LARGE1: variants seen among roughly 807,000 people sequenced by gnomAD.
LARGE1 encodes LARGE xylosyl- and glucuronyltransferase 1.
In LARGE1, 43 loss-of-function variants were observed where a neutral mutation model predicts 87.6. The ratio of observed to expected loss-of-function variants is 0.49; its 90% CI spans 0.38 to 0.63. The LOEUF is 0.63. Among genes scored for constraint, LARGE1 ranks in the 30% least tolerant of loss-of-function variants. LARGE1 has a pLI of 0.00. For synonymous variants in LARGE1, 434 were observed against 394.6 expected (o/e 1.10, Z -1.18); for missense variants, 802 against 1,000.2 (o/e 0.80, Z 2.67).
At position 33,584,751 on chromosome 22, in the gene LARGE1, G is replaced by A. The variant is rs111364551; in HGVS notation, c.615+19684C>T. On this transcript the variant is annotated intron_variant, in intron 5 of 14. Coordinates refer to ENST00000397394, the MANE Select transcript of LARGE1 (RefSeq NM_133642.5). The stretch of plus-strand genomic sequence containing the variant: ...AGGAAGCAGGACTTTCCCCACATAC[G>A]TACTGGGTGTCTCGGAAAATCCTAA... Among the ~76,000 whole-genome samples, 20 of 151,924 alleles carry A rather than the reference G, an allele frequency of 1.3e-4. 3 individuals carry two copies. Among genetic ancestry groups the A allele is most frequent in the African/African-American group, 4.8e-4 (20 of 41,418 alleles).
intron 7 of LARGE1, among the ~76,000 whole-genome samples, chr22:33,400,352 G>A (rs902149657): frequency 6.6e-6 from 1 of 152,180 alleles, no homozygotes; most frequent in Non-Finnish European, 1.5e-5. Flanking sequence ...TGAAGAGCTG[G>A]GGTAGATGCA....
intron 11 of LARGE1, among the ~76,000 whole-genome samples, chr22:33,195,836 G>A (rs1924044893): frequency 6.8e-6 from 1 of 147,412 alleles, no homozygotes; most frequent in South Asian, 2.1e-4. Flanking sequence ...CTCACTGCAA[G>A]CTCTGCCTCC....
chr22:33,604,396 T>C (rs1299281143), intron 5 of LARGE1, 39 bp downstream of exon 5: 3 of 1,613,402 alleles, frequency 1.9e-6, no homozygotes, highest in Non-Finnish European at 2.5e-6. Flanking sequence ...CGCTTCCAGC[T>C]AGAGGAGATC....
intron 6 of LARGE1, among the ~76,000 whole-genome samples, chr22:33,440,192 G>A (rs1212783289): frequency 6.6e-6 from 1 of 152,180 alleles, no homozygotes; most frequent in African/African-American, 2.4e-5. Context: ...GTGGATGAAT[G>A]GATGAATGAA....
intron 9 of LARGE1, among the ~76,000 whole-genome samples, chr22:33,380,622 T>A (rs1163983474): frequency 6.6e-6 from 1 of 152,092 alleles, no homozygotes. Context: ...ATGCAACAAA[T>A]GAAAAGCAGA....
chr22:33,484,227 A>G (rs897604658), intron 6 of LARGE1, among the ~76,000 whole-genome samples: 1 of 152,146 alleles, frequency 6.6e-6, no homozygotes, highest in Non-Finnish European at 1.5e-5. Flanking sequence ...TCTTGATAAA[A>G]TCAATATTTA....
In LARGE1 at chr22:33,315,884, T is replaced by C. The variant is rs577436428; in HGVS notation, c.1451+201A>G. On this transcript the variant is annotated intron_variant, in intron 11 of 14. Transcript: ENST00000397394. ...ACCTTGTGATCTGCCTGCCTGGGGCTCCCAAAGTGCTAGGATTACAGGTGT... is the reference window on the plus strand; with the variant it reads ...ACCTTGTGATCTGCCTGCCTGGGGCCCCCAAAGTGCTAGGATTACAGGTGT... Among the ~76,000 whole-genome samples, 3 of 152,252 alleles carry C rather than the reference T, an allele frequency of 2.0e-5. No homozygotes were observed. The South Asian group carries it at 6.2e-4, about 32-fold the overall frequency.
the LARGE1 span, among the ~76,000 whole-genome samples, chr22:33,135,406 T>G: frequency 6.6e-6 from 1 of 152,240 alleles, no homozygotes; most frequent in Non-Finnish European, 1.5e-5. Flanking sequence ...ACCGAGATCC[T>G]TGGATTCAAA....
chr22:33,632,009 C>T (rs1462348127), intron 3 of LARGE1, among the ~76,000 whole-genome samples: 1 of 152,208 alleles, frequency 6.6e-6, no homozygotes, highest in African/African-American at 2.4e-5. Flanking sequence ...ATAGACATAA[C>T]ACTCATGTTT....
chr22:33,918,608 G>C (rs2267322), intron 1 of LARGE1, among the ~76,000 whole-genome samples: 4,908 of 152,290 alleles, frequency 0.032, 141 homozygotes, highest in East Asian at 0.09. Flanking sequence ...AAGCGTGCCA[G>C]TGAGTAATTC....
the LARGE1 span, among the ~76,000 whole-genome samples, chr22:33,072,573 C>T: frequency 6.6e-6 from 1 of 152,134 alleles, no homozygotes; most frequent in Admixed American, 6.5e-5. Context: ...ATGCTCAGGT[C>T]TCATCTGAGA....
intron 11 of LARGE1, among the ~76,000 whole-genome samples, chr22:33,168,910 T>C (rs573247516): frequency 1.3e-5 from 2 of 152,302 alleles, no homozygotes; most frequent in East Asian, 3.9e-4. Context: ...GCATTGAACA[T>C]AGTAAAGCAG....
chr22:33,857,969 C>G (rs1047364883), intron 1 of LARGE1, among the ~76,000 whole-genome samples: 3 of 152,124 alleles, frequency 2.0e-5, no homozygotes, highest in Admixed American at 2.0e-4. Context: ...AAATGGCGGC[C>G]GGTCGCTTCC....
intron 11 of LARGE1, among the ~76,000 whole-genome samples, chr22:33,193,137 A>G (rs1330718045): frequency 6.6e-6 from 1 of 152,050 alleles, no homozygotes; most frequent in African/African-American, 2.4e-5. Flanking sequence ...ATGAGGAAAA[A>G]AGAATAAAGA....
At chr22:33,801,135 C>T (rs561811952) in intron 1 of LARGE1, among the ~76,000 whole-genome samples, 4 of 152,130 alleles carry the variant, frequency 2.6e-5, no homozygotes, top group African/African-American at 7.2e-5. Context: ...CTCTTGCCGC[C>T]GCCATGTAAG....
chr22:33,449,358 T>C (rs1277726037), intron 6 of LARGE1, among the ~76,000 whole-genome samples: 1 of 152,220 alleles, frequency 6.6e-6, no homozygotes. Context: ...GGAGTATCCC[T>C]AGGCAGGGCT....
intron 9 of LARGE1, among the ~76,000 whole-genome samples, chr22:33,364,317 A>G (rs1426303571): frequency 6.6e-6 from 1 of 152,122 alleles, no homozygotes; most frequent in East Asian, 1.9e-4. Flanking sequence ...TCGGCCTCCC[A>G]AAGTGCTGGG....
the LARGE1 span, among the ~76,000 whole-genome samples, chr22:33,089,368 T>TCTTCTTCTCCTCCTC: frequency 2.7e-3 from 209 of 78,284 alleles, 1 homozygote; most frequent in African/African-American, 9.6e-3. Context: ...TTCTTCTTCT[T>TCTTCTTCTCCTCCTC]CTCCTTCTTC....
intron 1 of LARGE1, among the ~76,000 whole-genome samples, chr22:33,844,348 C>G (rs1331947528): frequency 1.3e-5 from 2 of 152,156 alleles, no homozygotes; most frequent in Admixed American, 1.3e-4. Flanking sequence ...ATTCCTCCTG[C>G]TATAATGCTC....
Sources: gnomAD v4.1 joint callset for allele counts (sites outside exome capture counted in the v4.1 genomes callset) on GRCh38, gnomAD v4.1.1 for gene constraint, MANE v1.5 for transcripts, NCBI Gene and HGNC (gene_info 2026-07-23, HGNC 2026-07-21) for gene names.